Variants in POLA1 observed in about 807,000 individuals in gnomAD.
POLA1 encodes DNA polymerase alpha catalytic subunit.
In POLA1, 15 loss-of-function variants were observed where a neutral mutation model predicts 124.0. The observed-to-expected ratio is 0.12, with a 90% confidence interval of 0.08 to 0.19. POLA1 has a LOEUF of 0.19. POLA1 is among the 10% of genes least tolerant of loss of function. POLA1 has a pLI of 1.00. For synonymous variants in POLA1, 408 were observed against 389.4 expected, an observed-to-expected ratio of 1.05 and a Z score of -0.56; for missense variants, 886 against 1,103.4, an observed-to-expected ratio of 0.80 and a Z score of 2.79.
chrX:24,757,435 A>ATTTTTTTTTTTTTTTTTTTTT (rs1569298336), intron 26 of POLA1, among the ~76,000 whole-genome samples: 3 of 64,642 alleles, frequency 4.6e-5, no homozygotes, highest in African/African-American at 2.4e-4. Flanking sequence ...AAAATCTGAA[A>ATTTTTTTTTTTTTTTTTTTTT]CTTTTTTTTT....
intron 36 of POLA1, among the ~76,000 whole-genome samples, chrX:24,969,448 T>C (rs1278114086): frequency 9.1e-6 from 1 of 110,231 alleles, no homozygotes; most frequent in African/African-American, 3.3e-5. Context: ...TAAACCAAGA[T>C]ACCATGCAAT....
chrX:24,864,140 C>T (rs913662328), intron 34 of POLA1, among the ~76,000 whole-genome samples: 1 of 110,082 alleles, frequency 9.1e-6, no homozygotes, highest in African/African-American at 3.3e-5. Context: ...TACCACCACG[C>T]CTGGCTAATT....
At chrX:24,924,581 G>A (rs2047663574) in intron 35 of POLA1, among the ~76,000 whole-genome samples, 1 of 111,901 alleles carries the variant, frequency 8.9e-6, no homozygotes, top group African/African-American at 3.3e-5. Flanking sequence ...ACTACCTGGG[G>A]TGGGAGCTGT....
At chrX:24,943,861 A>G (rs2047933453) in intron 36 of POLA1, among the ~76,000 whole-genome samples, 1 of 111,945 alleles carries the variant, frequency 8.9e-6, no homozygotes, top group African/African-American at 3.2e-5. Flanking sequence ...TACGGCAGGA[A>G]TTACCCTACC....
chrX:24,738,563 A>G (rs918110051), intron 19 of POLA1, among the ~76,000 whole-genome samples: 2 of 111,984 alleles, frequency 1.8e-5, no homozygotes, highest in Non-Finnish European at 1.9e-5. Flanking sequence ...TATTTTATAG[A>G]CAGTCTCATA....
At chrX:24,757,436 CTTT>C (rs66782103) in intron 26 of POLA1, among the ~76,000 whole-genome samples, 37 of 62,122 alleles carry the variant, frequency 6.0e-4, no homozygotes, top group Admixed American at 2.1e-3. Flanking sequence ...AAATCTGAAA[CTTT>C]TTTTTTTTTT....
chrX:24,715,871 A>G (rs1014819782), intron 6 of POLA1, among the ~76,000 whole-genome samples: 4 of 111,342 alleles, frequency 3.6e-5, no homozygotes, highest in Admixed American at 2.9e-4. Flanking sequence ...ACAATCAGGT[A>G]TAAGAGCCTT....
intron 28 of POLA1, among the ~76,000 whole-genome samples, chrX:24,811,349 T>G (rs2045897606): frequency 9.1e-6 from 1 of 109,420 alleles, no homozygotes; most frequent in African/African-American, 3.3e-5. Flanking sequence ...CTCGGCTCAC[T>G]GCAACCTCCG....
At chrX:24,790,911 G>GTATATGTA (rs1555991306) in intron 26 of POLA1, among the ~76,000 whole-genome samples, 1 of 78,298 alleles carries the variant, frequency 1.3e-5, no homozygotes, top group Admixed American at 1.4e-4. Context: ...TTATGTATAT[G>GTATATGTA]TATATATATA....
chrX:24,942,959 A>G (rs1164166604), intron 36 of POLA1, among the ~76,000 whole-genome samples: 1 of 112,069 alleles, frequency 8.9e-6, no homozygotes, highest in African/African-American at 3.2e-5. Flanking sequence ...AGCCTCCCAA[A>G]GTGCTGGGAT....
intron 34 of POLA1, among the ~76,000 whole-genome samples, chrX:24,857,245 G>A (rs1345429363): frequency 2.7e-5 from 3 of 111,590 alleles, no homozygotes; most frequent in Non-Finnish European, 5.7e-5. Context: ...ATTTGTGTGG[G>A]TCTATTTCTG....
rs774755474 is a variant in POLA1, at chrX:24,812,452, T to C, written c.3091-206T>C. On this transcript the variant is annotated intron_variant, in intron 28 of 36. Coordinates refer to ENST00000379068, the MANE Select transcript of POLA1 (RefSeq NM_001330360.2). ...TCTATTATTGTCTCTCTCTCTCTCTTTTTTTTAATCTATTTTTGTCCCTGC... is the reference window on the plus strand; with the variant it reads ...TCTATTATTGTCTCTCTCTCTCTCTCTTTTTTAATCTATTTTTGTCCCTGC... Among the ~76,000 whole-genome samples, 17 of 111,337 alleles carry C rather than the reference T, an allele frequency of 1.5e-4. No homozygotes were observed. In the East Asian group the frequency reaches 3.7e-3, roughly 24 times the overall value.
chrX:24,713,519 G>A (rs113081812), intron 4 of POLA1, among the ~76,000 whole-genome samples: 1 of 111,214 alleles, frequency 9.0e-6, no homozygotes, highest in South Asian at 3.8e-4. Context: ...GGGTTCAAGC[G>A]ATTTCCCTGC....
At chrX:24,724,769 G>A (rs146728501) in intron 12 of POLA1, among the ~76,000 whole-genome samples, 26 of 112,108 alleles carry the variant, frequency 2.3e-4, no homozygotes, top group Non-Finnish European at 3.9e-4. Flanking sequence ...CTCTGATCTC[G>A]TTTATATTAG....
At chrX:24,868,790 A>T (rs377596858) in intron 34 of POLA1, among the ~76,000 whole-genome samples, 7 of 112,179 alleles carry the variant, frequency 6.2e-5, no homozygotes, top group African/African-American at 2.3e-4. Flanking sequence ...TATGGGTCAC[A>T]TCATAACCTG....
intron 26 of POLA1, among the ~76,000 whole-genome samples, chrX:24,752,484 G>C (rs1932369647): frequency 8.9e-6 from 1 of 112,024 alleles, no homozygotes; most frequent in African/African-American, 3.2e-5. Context: ...TGTGTGTAGA[G>C]AGGCATAAAA....
chrX:24,906,907 C>T (rs760882985), intron 35 of POLA1, among the ~76,000 whole-genome samples: 1 of 92,030 alleles, frequency 1.1e-5, no homozygotes, highest in Admixed American at 1.1e-4. Flanking sequence ...CCAGTGTAGA[C>T]GAGGCATGGT....
rs773632812 is a variant in POLA1 at position 24,851,374 on chromosome X, G to A, written c.4047+7697G>A. ...GACCATACTTGGAGACCCTAGTCCG[G>A]TATCCTGCCCATAATAACTTGGAAG... On this transcript the variant is annotated intron_variant, in intron 34 of 36. Coordinates refer to ENST00000379068, the MANE Select transcript of POLA1 (RefSeq NM_001330360.2). 7.1e-5 allele frequency among the ~76,000 whole-genome samples: 8 copies of A among 112,646 alleles called. No homozygotes were observed. The East Asian group carries it at 2.2e-3, about 32-fold the overall frequency.
chrX:24,853,409 C>A (rs73207268), intron 34 of POLA1, among the ~76,000 whole-genome samples: 8,072 of 111,809 alleles, frequency 0.072, 307 homozygotes, highest in Middle Eastern at 0.14. Flanking sequence ...ATATTAAAAT[C>A]CATTGCTCTG....
Sources: gnomAD v4.1 joint callset for allele counts (sites outside exome capture counted in the v4.1 genomes callset) on GRCh38, gnomAD v4.1.1 for gene constraint, MANE v1.5 for transcripts, NCBI Gene and HGNC (gene_info 2026-07-23, HGNC 2026-07-21) for gene names.